Variants in NWD2 observed in about 807,000 individuals in gnomAD.
The protein encoded by NWD2 is NACHT and WD repeat domain-containing protein 2.
In NWD2, 37 loss-of-function variants were observed where a neutral mutation model predicts 132.7. That is an observed-to-expected ratio of 0.28 (90% CI 0.21 to 0.37). NWD2 has a LOEUF of 0.37. Among genes scored for constraint, NWD2 ranks in the 10% least tolerant of loss-of-function variants. The pLI is 1.00. For synonymous variants in NWD2, 705 were observed against 803.0 expected, an observed-to-expected ratio of 0.88 and a Z score of 2.06; for missense variants, 1,592 against 2,122.4, an observed-to-expected ratio of 0.75 and a Z score of 4.91.
chr4:37,381,214 G>C (rs1387437030), intron 3 of NWD2, among the ~76,000 whole-genome samples: 1 of 152,146 alleles, frequency 6.6e-6, no homozygotes, highest in East Asian at 1.9e-4. Flanking sequence ...ACAGAGCCCA[G>C]AGTGAGGTAG....
intron 3 of NWD2, among the ~76,000 whole-genome samples, chr4:37,414,544 C>T (rs148776235): frequency 3.9e-3 from 590 of 151,926 alleles, no homozygotes; most frequent in Non-Finnish European, 5.3e-3. Context: ...CAAGACTCTG[C>T]TAAAGCCATG....
chr4:37,309,435 A>G (rs1397404931), intron 1 of NWD2, among the ~76,000 whole-genome samples: 5 of 152,074 alleles, frequency 3.3e-5, no homozygotes, highest in East Asian at 1.9e-4. Context: ...ACGGGGTCCA[A>G]CTGGAATCAC....
At chr4:37,330,324 C>T (rs1719265549) in intron 2 of NWD2, among the ~76,000 whole-genome samples, 1 of 152,076 alleles carries the variant, frequency 6.6e-6, no homozygotes, top group African/African-American at 2.4e-5. Flanking sequence ...CCCAGGGCAT[C>T]AGGAAAAGAC....
intron 3 of NWD2, among the ~76,000 whole-genome samples, chr4:37,387,497 A>G (rs1286645883): frequency 2.6e-5 from 4 of 151,366 alleles, no homozygotes; most frequent in Non-Finnish European, 5.9e-5. Flanking sequence ...CCATCAACAT[A>G]TCATGTTTTC....
chr4:37,281,652 A>G (rs896935532), intron 1 of NWD2, among the ~76,000 whole-genome samples: 1 of 152,160 alleles, frequency 6.6e-6, no homozygotes, highest in African/African-American at 2.4e-5. Flanking sequence ...AACCAAGTCC[A>G]GTAAATTTTA....
intron 3 of NWD2, among the ~76,000 whole-genome samples, chr4:37,366,766 A>G (rs992774685): frequency 3.3e-5 from 5 of 152,144 alleles, no homozygotes; most frequent in African/African-American, 1.2e-4. Flanking sequence ...TCATAATGAT[A>G]AAAGGTTCAA....
At chr4:37,256,060 C>G (rs1717512769) in intron 1 of NWD2, among the ~76,000 whole-genome samples, 1 of 152,194 alleles carries the variant, frequency 6.6e-6, no homozygotes, top group African/African-American at 2.4e-5. Flanking sequence ...TCGGGTAAGT[C>G]TAATTTCTGA....
intron 2 of NWD2, among the ~76,000 whole-genome samples, chr4:37,355,846 A>T (rs1719860798): frequency 6.6e-6 from 1 of 152,172 alleles, no homozygotes; most frequent in Non-Finnish European, 1.5e-5. Flanking sequence ...CTTACAGATA[A>T]AACAGACTTA....
chr4:37,310,888 G>GT (rs1378590173), intron 1 of NWD2, among the ~76,000 whole-genome samples: 5 of 148,294 alleles, frequency 3.4e-5, no homozygotes, highest in Non-Finnish European at 7.4e-5. Context: ...GCAGTGTTTG[G>GT]TTTTTTGTCC....
At chr4:37,436,759 T>C (rs1712335032) in intron 5 of NWD2, among the ~76,000 whole-genome samples, 1 of 152,168 alleles carries the variant, frequency 6.6e-6, no homozygotes, top group Non-Finnish European at 1.5e-5. Context: ...AGAAAAGAGA[T>C]GGGTCCAAGG....
chr4:37,383,818 C>T (rs1322195525), intron 3 of NWD2, among the ~76,000 whole-genome samples: 3 of 151,998 alleles, frequency 2.0e-5, no homozygotes. Flanking sequence ...GTTTTTGCGC[C>T]CTCTAGAGGA....
At chr4:37,423,893 A>G (rs1711901299) in intron 3 of NWD2, among the ~76,000 whole-genome samples, 1 of 152,224 alleles carries the variant, frequency 6.6e-6, no homozygotes, top group African/African-American at 2.4e-5. Flanking sequence ...ACTTCTAAAT[A>G]AAGTATCTTA....
chr4:37,391,670 G>A (rs10013774), intron 3 of NWD2, among the ~76,000 whole-genome samples: 82,650 of 151,854 alleles, frequency 0.54, 22,749 homozygotes, highest in South Asian at 0.57. Flanking sequence ...GGAGTTTTTA[G>A]TGATACAATG....
chr4:37,412,993 C>T (rs1409336081), intron 3 of NWD2, among the ~76,000 whole-genome samples: 6 of 152,006 alleles, frequency 3.9e-5, no homozygotes, highest in East Asian at 1.9e-4. Flanking sequence ...AAGACTTAAA[C>T]GTAAGACCTA....
At chr4:37,362,010 T>G (rs1248827611) in intron 3 of NWD2, among the ~76,000 whole-genome samples, 3 of 152,094 alleles carry the variant, frequency 2.0e-5, no homozygotes, top group Non-Finnish European at 4.4e-5. Context: ...AAGTAACATT[T>G]CTATACACCC....
intron 3 of NWD2, among the ~76,000 whole-genome samples, chr4:37,394,805 T>TTTGTTTTGTTTTG (rs1560411763): frequency 3.1e-5 from 3 of 96,416 alleles, no homozygotes; most frequent in African/African-American, 1.1e-4. Context: ...TATGGTTTTT[T>TTTGTTTTGTTTTG]TTTTTTTTTT....
intron 1 of NWD2, among the ~76,000 whole-genome samples, chr4:37,304,363 A>G (rs1346171677): frequency 2.7e-5 from 4 of 150,766 alleles, no homozygotes; most frequent in African/African-American, 4.9e-5. Context: ...ATATTATTCT[A>G]CCCCGGTCCT....
chr4:37,388,125 G>A (rs1327150655), intron 3 of NWD2, among the ~76,000 whole-genome samples: 3 of 152,036 alleles, frequency 2.0e-5, no homozygotes, highest in African/African-American at 7.3e-5. Flanking sequence ...ATGGGCTTGC[G>A]ATGAGGATTC....
intron 1 of NWD2, among the ~76,000 whole-genome samples, chr4:37,261,259 C>T (rs1053837389): frequency 2.0e-4 from 31 of 152,114 alleles, no homozygotes; most frequent in African/African-American, 4.3e-4. Flanking sequence ...AACAAAGGCT[C>T]ATCTGCTGGC....
Sources: gnomAD v4.1 joint callset for allele counts (sites outside exome capture counted in the v4.1 genomes callset) on GRCh38, gnomAD v4.1.1 for gene constraint, MANE v1.5 for transcripts, NCBI Gene and HGNC (gene_info 2026-07-23, HGNC 2026-07-21) for gene names.